The following WIPF3 variants were observed in gnomAD, a reference collection of about 807,000 sequenced individuals.
WIPF3 encodes the protein WAS/WASL interacting protein family member 3.
WIPF3 carries 33 observed loss-of-function variants against 38.9 expected under a neutral mutation model. The observed-to-expected ratio is 0.85, with a 90% CI of 0.64 to 1.14. The LOEUF is 1.14. WIPF3 is among the 50% of genes most tolerant of loss of function. The pLI is 0.00. For synonymous variants in WIPF3, 324 were observed against 269.3 expected (o/e 1.20, Z -1.99); for missense variants, 711 against 652.5 (o/e 1.09, Z -0.98).
chr7:29,879,002 T>G lies in WIPF3; in HGVS notation c.224-7T>G, dbSNP rs1562784181. On this transcript the variant is annotated splice_polypyrimidine_tract_variant and splice_region_variant and intron_variant, in intron 3 of 8. Coordinates refer to ENST00000242140, the MANE Select transcript of WIPF3 (RefSeq NM_001080529.3). ...AGTCCTTGCCTATTTGTGTCTTCTCTCTAAAGGTTCTAAAGGAACCAACAA... is the reference window on the plus strand; with the variant it reads ...AGTCCTTGCCTATTTGTGTCTTCTCGCTAAAGGTTCTAAAGGAACCAACAA... 1 of 1,590,528 alleles carries G rather than the reference T, an allele frequency of 6.3e-7. No individual in the cohort carries two copies. The highest frequency in any genetic ancestry group is 8.6e-7 in the Non-Finnish European group (1 of 1,166,306).
At chr7:29,817,611 C>G (rs1256253069) in intron 1 of WIPF3, among the ~76,000 whole-genome samples, 2 of 151,952 alleles carry the variant, frequency 1.3e-5, no homozygotes, top group African/African-American at 4.8e-5. Context: ...TTATCTTTTC[C>G]CCACTGATAT....
chr7:29,828,642 C>T (rs970796477), intron 1 of WIPF3, among the ~76,000 whole-genome samples: 1 of 152,194 alleles, frequency 6.6e-6, no homozygotes, highest in Non-Finnish European at 1.5e-5. Flanking sequence ...TGGAATATCA[C>T]CCAACCCATG....
intron 2 of WIPF3, among the ~76,000 whole-genome samples, chr7:29,868,032 C>T (rs1785422967): frequency 1.3e-5 from 2 of 151,674 alleles, no homozygotes; most frequent in African/African-American, 4.8e-5. Context: ...AGCTATAATA[C>T]TGGGCAAGAT....
intron 2 of WIPF3, among the ~76,000 whole-genome samples, chr7:29,860,255 A>G (rs1385530429): frequency 6.6e-6 from 1 of 152,126 alleles, no homozygotes; most frequent in Non-Finnish European, 1.5e-5. Flanking sequence ...TACACCTACT[A>G]TAGTTTGGAT....
Position 29,891,179 on chromosome 7 carries a change from GCCTGCCCTGTGCTCAGGT to G in WIPF3, c.1351+1773_1351+1790del, listed in dbSNP as rs1488477849. ...CTGTGCTCAGGTGGAGGGGGCGCGG[GCCTGCCCTGTGCTCAGGT>G]GGAGGGGGCGAGGGCCTGCCCTGTG... On this transcript the variant is annotated intron_variant, in intron 7 of 8. Coordinates refer to ENST00000242140, the MANE Select transcript of WIPF3 (RefSeq NM_001080529.3). Among the ~76,000 whole-genome samples the G allele has an allele frequency of 4.0e-3, 479 of 121,102 alleles. 15 individuals carry two copies. The highest frequency in any genetic ancestry group is 0.014 in the African/African-American group (441 of 32,318). 79.4% of individuals were successfully genotyped at this position (121,102 alleles called of 152,430 possible). A position where few individuals can be genotyped will look rare whatever the true frequency, so the allele number is the denominator to read the frequency against.
intron 1 of WIPF3, among the ~76,000 whole-genome samples, chr7:29,814,102 G>A (rs1364547193): frequency 2.6e-5 from 4 of 152,046 alleles, no homozygotes; most frequent in Non-Finnish European, 5.9e-5. Flanking sequence ...TGTATTTTTA[G>A]TAGAGATGGG....
intron 7 of WIPF3, among the ~76,000 whole-genome samples, chr7:29,891,439 G>C (rs1786020006): frequency 6.6e-6 from 1 of 152,214 alleles, no homozygotes; most frequent in Admixed American, 6.5e-5. Context: ...GGCCTGCGTG[G>C]CTGTACATTT....
intron 7 of WIPF3, among the ~76,000 whole-genome samples, chr7:29,891,983 C>T (rs984511585): frequency 6.6e-6 from 1 of 152,162 alleles, no homozygotes; most frequent in African/African-American, 2.4e-5. Context: ...AGGTGCCTGG[C>T]TAGATAAGAC....
intron 7 of WIPF3, among the ~76,000 whole-genome samples, chr7:29,895,541 G>A: frequency 6.6e-6 from 1 of 152,206 alleles, no homozygotes; most frequent in Non-Finnish European, 1.5e-5. Flanking sequence ...GTGTTAGTTT[G>A]TTCTCACATT....
intron 2 of WIPF3, among the ~76,000 whole-genome samples, chr7:29,845,076 T>C (rs1339613019): frequency 6.6e-6 from 1 of 150,756 alleles, no homozygotes; most frequent in East Asian, 1.9e-4. Flanking sequence ...CCCACTTGCT[T>C]TTTGGTTCTT....
intron 7 of WIPF3, among the ~76,000 whole-genome samples, chr7:29,902,816 G>A (rs1786314407): frequency 6.6e-6 from 1 of 151,172 alleles, no homozygotes; most frequent in Admixed American, 6.6e-5. Context: ...ACTCCAGCCT[G>A]TGGCAAGACT....
In WIPF3 at chr7:29,878,417, C is replaced by T. The variant is rs1434447886; in HGVS notation, c.224-592C>T. ...GGCTGGAGTTAGTGACACCTTTCCTCAGGGGCTCATGATCTTTCCGTTCCA... is the reference window on the plus strand; with the variant it reads ...GGCTGGAGTTAGTGACACCTTTCCTTAGGGGCTCATGATCTTTCCGTTCCA... On this transcript the variant is annotated intron_variant, in intron 3 of 8. Transcript: ENST00000242140. This position sits in a 1 kb window ranked among gnomAD's most constrained non-coding sequence, Gnocchi z 4.0. Among the ~76,000 whole-genome samples, 2 of 152,144 alleles carry T rather than the reference C, an allele frequency of 1.3e-5. No homozygotes were observed. The highest frequency in any genetic ancestry group is 2.4e-5 in the African/African-American group (1 of 41,418).
At chr7:29,885,133 A>G (rs1330467517) in intron 5 of WIPF3, among the ~76,000 whole-genome samples, 1 of 152,228 alleles carries the variant, frequency 6.6e-6, no homozygotes, top group African/African-American at 2.4e-5. Flanking sequence ...TAGTTTTCGC[A>G]GGTTCTCCGG....
At chr7:29,810,189 C>T (rs951668042) in intron 1 of WIPF3, among the ~76,000 whole-genome samples, 3 of 152,218 alleles carry the variant, frequency 2.0e-5, no homozygotes, top group Admixed American at 6.5e-5. Context: ...GCTGATTCTT[C>T]ATACTCCTTT....
intron 3 of WIPF3, 49 bp downstream of exon 3, chr7:29,876,011 G>A: frequency 1.3e-6 from 2 of 1,598,574 alleles, no homozygotes; most frequent in Non-Finnish European, 1.7e-6. Context: ...GACAGGACAG[G>A]CATGTGAGGC....
rs530749338 is a variant in WIPF3, at chr7:29,904,314, G to T, written c.1380G>T (p.Ala460=). Residue 460 remains alanine (A), a synonymous_variant, in exon 8 of 9, where the codon GCG becomes GCT. Coordinates refer to ENST00000242140, the MANE Select transcript of WIPF3 (RefSeq NM_001080529.3). The part of the protein sequence containing the change: ...RSRTPGPWLQ[A]EAVGQSSDDI... ...GTACACCTGGTCCCTGGCTCCAAGC[G>T]GAAGCAGTCGGGCAGAGCTCTGATG... 2.5e-6 allele frequency: 4 copies of T among 1,613,750 alleles called. No individual in the cohort carries two copies. In the African/African-American group the frequency reaches 4.0e-5, roughly 16 times the overall value.
intron 5 of WIPF3, 143 bp downstream of exon 5, chr7:29,884,736 T>C (rs1337833414): frequency 5.4e-6 from 7 of 1,295,788 alleles, no homozygotes; most frequent in African/African-American, 4.5e-5. Flanking sequence ...AAAATCATGC[T>C]GCATGTAAGC....
chr7:29,807,077 C>T (rs1302520565), intron 1 of WIPF3, among the ~76,000 whole-genome samples: 2 of 152,108 alleles, frequency 1.3e-5, no homozygotes, highest in African/African-American at 2.4e-5. Context: ...CGCTTCGCCC[C>T]CGGAACAAAA....
rs1353307478 is a variant in WIPF3, at chr7:29,915,297, A to G, written c.*781A>G. 6.6e-6 allele frequency: 1 copy of G among 152,034 alleles called. No homozygotes were observed. Among genetic ancestry groups the G allele is most frequent in the Non-Finnish European group, 1.5e-5 (1 of 68,068 alleles). 9.4% of individuals were successfully genotyped at this position (152,034 alleles called of 1,614,324 possible). The stretch of plus-strand genomic sequence containing the variant: ...TCCAAGTTCCCAGTCCCATCCCAGT[A>G]GCCAGCTTTATGAGATTTTGGTATT... On this transcript the variant is annotated 3_prime_UTR_variant, in exon 9 of 9. Coordinates refer to ENST00000242140, the MANE Select transcript of WIPF3 (RefSeq NM_001080529.3).
Sources: gnomAD v4.1 joint callset for allele counts (sites outside exome capture counted in the v4.1 genomes callset) on GRCh38, gnomAD v4.1.1 for gene constraint, Gnocchi (gnomAD v3.1) non-coding constraint, MANE v1.5 for transcripts, NCBI Gene and HGNC (gene_info 2026-07-23, HGNC 2026-07-21) for gene names.